The following RTN3 variants were observed in gnomAD, a reference collection of about 807,000 sequenced individuals.
The protein encoded by RTN3 is reticulon 3.
Under a neutral mutation model 77.8 loss-of-function variants are expected in RTN3, and 49 were observed. The ratio of observed to expected loss-of-function variants is 0.63; its 90% CI spans 0.50 to 0.80. The LOEUF is 0.80. Ranked by LOEUF, RTN3 falls within the 30% of genes least tolerant of loss-of-function variation. The pLI, the probability that RTN3 is intolerant of heterozygous loss-of-function variation, is 0.00. For missense variants in RTN3, 1,236 were observed against 1,211.9 expected, an observed-to-expected ratio of 1.02 and a Z score of -0.29; for synonymous variants, 464 against 446.9, an observed-to-expected ratio of 1.04 and a Z score of -0.48.
intron 4 of RTN3, 30 bp downstream of exon 4, chr11:63,750,228 A>C (rs1398606287): frequency 6.4e-7 from 1 of 1,567,786 alleles, no homozygotes; most frequent in East Asian, 2.2e-5. Flanking sequence ...GCAACATTCT[A>C]CATTTTAGTG....
At chr11:63,743,889 G>T (rs570711954) in intron 3 of RTN3, among the ~76,000 whole-genome samples, 2 of 151,814 alleles carry the variant, frequency 1.3e-5, no homozygotes, top group Non-Finnish European at 2.9e-5. Context: ...GCACTTCAGC[G>T]TGGGCAACAC....
rs1316476297 is a variant in RTN3 at position 63,758,193 on chromosome 11, G to A, written c.3091G>A (p.Ala1031Thr). 2 of 1,610,264 alleles carry A rather than the reference G, an allele frequency of 1.2e-6. No individual in the cohort carries two copies. Among genetic ancestry groups the A allele is most frequent in the Non-Finnish European group, 8.5e-7 (1 of 1,178,890 alleles). Residue 1031 changes from alanine (A) to threonine (T), a missense_variant, in exon 9 of 9, where the codon GCA becomes ACA. This residue lies in a region of RTN3 where 141 missense variants were observed against 154.9 expected (regional missense o/e 0.91). Transcript: ENST00000377819. ...AKLPGIAKKK[A>T]E is the part of the protein sequence containing the mutation. ...ACTCCCTGGAATCGCCAAAAAAAAG[G>A]CAGAATAAGTACATGGAAACCAGAA...
At chr11:63,703,417 G>C (rs188591897) in intron 1 of RTN3, among the ~76,000 whole-genome samples, 1 of 152,012 alleles carries the variant, frequency 6.6e-6, no homozygotes, top group African/African-American at 2.4e-5. Context: ...TTTAGGGGCC[G>C]TGCTAGTCTT....
chr11:63,734,031 A>G (rs904423039), intron 3 of RTN3, among the ~76,000 whole-genome samples: 2 of 152,188 alleles, frequency 1.3e-5, no homozygotes, highest in Non-Finnish European at 2.9e-5. Context: ...TCCTTTTCTG[A>G]TAGAATTTTC....
intron 3 of RTN3, among the ~76,000 whole-genome samples, chr11:63,734,073 G>A (rs903881221): frequency 1.3e-5 from 2 of 152,124 alleles, no homozygotes; most frequent in African/African-American, 4.8e-5. Context: ...AATTCCCTCA[G>A]TCTAATAAAC....
intron 1 of RTN3, among the ~76,000 whole-genome samples, chr11:63,690,318 C>T (rs2134637383): frequency 6.6e-6 from 1 of 152,272 alleles, no homozygotes; most frequent in Admixed American, 6.5e-5. Context: ...TTCACGATAT[C>T]TTACATTTGT....
intron 2 of RTN3, among the ~76,000 whole-genome samples, chr11:63,718,295 A>G (rs1021183639): frequency 3.3e-4 from 51 of 152,242 alleles, no homozygotes; most frequent in African/African-American, 1.2e-3. Context: ...AAGTCTATCA[A>G]CCCTTTATAG....
At chr11:63,754,699 CAAAA>C (rs35847577) in intron 7 of RTN3, among the ~76,000 whole-genome samples, 1 of 48,834 alleles carries the variant, frequency 2.0e-5, no homozygotes, top group Non-Finnish European at 3.8e-5. Context: ...GACTCCATCT[CAAAA>C]AAAAAAAAAA....
intron 2 of RTN3, among the ~76,000 whole-genome samples, chr11:63,709,154 TGTATTTTA>T (rs1942631539): frequency 6.6e-6 from 1 of 152,216 alleles, no homozygotes; most frequent in East Asian, 1.9e-4. Flanking sequence ...ATAAACTAGC[TGTATTTTA>T]GGGTTTAGAC....
At chr11:63,755,415 G>A (rs775862728) in intron 7 of RTN3, among the ~76,000 whole-genome samples, 10 of 151,972 alleles carry the variant, frequency 6.6e-5, no homozygotes, top group Non-Finnish European at 1.0e-4. Flanking sequence ...GGAGGCGGAG[G>A]CAGGTGGATT....
At chr11:63,723,968 T>G (rs2012015801) in intron 3 of RTN3, among the ~76,000 whole-genome samples, 1 of 152,128 alleles carries the variant, frequency 6.6e-6, no homozygotes, top group African/African-American at 2.4e-5. Context: ...TCTCATAGTT[T>G]GGGGAAGAAA....
intron 1 of RTN3, among the ~76,000 whole-genome samples, chr11:63,695,617 T>C (rs1307200204): frequency 6.6e-6 from 1 of 152,250 alleles, no homozygotes; most frequent in African/African-American, 2.4e-5. Flanking sequence ...ACTCTTGATA[T>C]GCTGTGATGA....
At chr11:63,737,439 A>T (rs946035397) in intron 3 of RTN3, among the ~76,000 whole-genome samples, 8 of 151,988 alleles carry the variant, frequency 5.3e-5, no homozygotes, top group African/African-American at 1.9e-4. Context: ...GTGAAACCCC[A>T]TCTCTACTAA....
intron 1 of RTN3, among the ~76,000 whole-genome samples, chr11:63,696,885 T>C (rs1340051441): frequency 8.3e-6 from 1 of 120,412 alleles, no homozygotes; most frequent in Non-Finnish European, 1.8e-5. Flanking sequence ...TTCTTTCTTT[T>C]TTTTTTTTTT....
chr11:63,695,900 CCTTA>C (rs1226124130), intron 1 of RTN3, among the ~76,000 whole-genome samples: 1 of 152,024 alleles, frequency 6.6e-6, no homozygotes. Flanking sequence ...CAGAGTGAGA[CCTTA>C]CTTCTCTAAA....
chr11:63,709,779 A>G (rs1207339391), intron 2 of RTN3, among the ~76,000 whole-genome samples: 1 of 152,166 alleles, frequency 6.6e-6, no homozygotes, highest in Non-Finnish European at 1.5e-5. Context: ...CTATACCTGA[A>G]TATTTCAAAC....
chr11:63,749,921 C>T (rs1175992150), intron 3 of RTN3, 70 bp from the exon 4 acceptor site: 3 of 1,117,478 alleles, frequency 2.7e-6, no homozygotes, highest in Non-Finnish European at 4.0e-6. Context: ...TAATGTGAGG[C>T]TCCACAGGTA....
rs555323271 is a variant in RTN3 at position 63,710,350 on chromosome 11, T to TG, written c.199+5444dup. ...CCAGTCTTAGACATTGTAGTTTTTT[T>TG]GTTTTTTTTTTTATCATGTTACTTT... is the stretch of plus-strand genomic sequence containing the variant. On this transcript the variant is annotated intron_variant, in intron 2 of 8. Coordinates refer to ENST00000377819, the MANE Select transcript of RTN3 (RefSeq NM_001265589.2). Among the ~76,000 whole-genome samples, 61 of 152,040 alleles carry TG rather than the reference T, an allele frequency of 4.0e-4. 1 individual carries two copies. In the South Asian group the frequency reaches 0.011, roughly 28 times the overall value.
intron 1 of RTN3, among the ~76,000 whole-genome samples, chr11:63,702,600 C>T (rs1942295444): frequency 6.6e-6 from 1 of 151,864 alleles, no homozygotes; most frequent in African/African-American, 2.4e-5. Context: ...AGGCATGAGC[C>T]ACTGCGCCCG....
Sources: allele counts gnomAD v4.1 joint callset (sites outside exome capture counted in the v4.1 genomes callset), GRCh38; gene constraint gnomAD v4.1.1; regional missense constraint gnomAD v4.1.1; transcripts MANE v1.5; gene names NCBI Gene and HGNC (gene_info 2026-07-23, HGNC 2026-07-21).